The following TEC variants were observed in gnomAD, a reference collection of about 807,000 sequenced individuals.
TEC encodes the protein tec protein tyrosine kinase.
A neutral mutation model predicts 93.0 loss-of-function variants in TEC; 72 were observed. That is an observed-to-expected ratio of 0.77 (90% CI 0.64 to 0.94). The LOEUF is 0.94. TEC is among the 40% of genes least tolerant of loss of function. The pLI is 0.00. For synonymous variants in TEC, 249 were observed against 247.7 expected (o/e 1.01, Z -0.05); for missense variants, 630 against 757.9 (o/e 0.83, Z 1.98).
chr4:48,243,511 T>C lies in TEC; in HGVS notation c.-45-14852A>G, dbSNP rs1426550257. Reference sequence around the variant, plus strand: ...AATTGGTCAGTTGGTCATTGCCTCATCTTTATTCTGTATTGGTTCACATTT... The same window carrying C: ...AATTGGTCAGTTGGTCATTGCCTCACCTTTATTCTGTATTGGTTCACATTT... On this transcript the variant is annotated intron_variant, in intron 1 of 17. Coordinates refer to ENST00000381501, the MANE Select transcript of TEC (RefSeq NM_003215.3). Among the ~76,000 whole-genome samples the C allele has an allele frequency of 2.0e-5, 3 of 152,210 alleles. No homozygotes were observed. The South Asian group carries it at 6.2e-4, about 32-fold the overall frequency.
intron 1 of TEC, among the ~76,000 whole-genome samples, chr4:48,230,516 T>C (rs768793889): frequency 3.0e-4 from 46 of 152,146 alleles, no homozygotes; most frequent in Non-Finnish European, 6.0e-4. Flanking sequence ...ACCATGAGAG[T>C]AGCTTCCCAA....
chr4:48,266,632 G>A (rs1724643025), intron 1 of TEC, among the ~76,000 whole-genome samples: 1 of 152,190 alleles, frequency 6.6e-6, no homozygotes, highest in South Asian at 2.1e-4. Context: ...GAGGTCACGA[G>A]TTTGAGACCA....
intron 2 of TEC, among the ~76,000 whole-genome samples, chr4:48,181,411 A>G (rs985882228): frequency 1.5e-4 from 23 of 152,038 alleles, no homozygotes; most frequent in Admixed American, 1.4e-3. Context: ...ACCGTGGTTC[A>G]CTCCTGTAAT....
At chr4:48,246,928 G>A (rs149468245) in intron 1 of TEC, among the ~76,000 whole-genome samples, 294 of 152,196 alleles carry the variant, frequency 1.9e-3, no homozygotes, top group African/African-American at 6.7e-3. Context: ...AAAAATTTTT[G>A]CGTGACATTA....
chr4:48,230,063 G>A (rs899007173), intron 1 of TEC, among the ~76,000 whole-genome samples: 18 of 142,516 alleles, frequency 1.3e-4, no homozygotes, highest in African/African-American at 3.0e-4. Context: ...CAACGAGAGC[G>A]AAACTCCGTC....
chr4:48,182,994 A>T (rs1448572040), intron 2 of TEC, among the ~76,000 whole-genome samples: 2 of 152,142 alleles, frequency 1.3e-5, no homozygotes, highest in Non-Finnish European at 2.9e-5. Flanking sequence ...ATTCCAAATG[A>T]TTCGTCCCTT....
intron 14 of TEC, 84 bp downstream of exon 14, chr4:48,144,995 T>G: frequency 8.0e-7 from 1 of 1,254,126 alleles, no homozygotes. Context: ...AAAAATTGGC[T>G]ATTAATACAT....
Position 48,170,235 on chromosome 4 carries a change from A to G in TEC, c.454+13T>C. The G allele has an allele frequency of 6.4e-7, 1 of 1,573,840 alleles. No individual in the cohort carries two copies. Among genetic ancestry groups the G allele is most frequent in the African/African-American group, 1.4e-5 (1 of 73,904 alleles). On this transcript the variant is annotated intron_variant, in intron 5 of 17. Transcript: ENST00000381501. ...TAAGCACAATATAATTATGGAATAA[A>G]ATGAATACTTACTGCTCTCAAAAAG... is the stretch of plus-strand genomic sequence containing the variant.
intron 2 of TEC, among the ~76,000 whole-genome samples, chr4:48,222,685 C>A (rs1001007980): frequency 1.3e-5 from 2 of 149,726 alleles, no homozygotes; most frequent in Admixed American, 1.3e-4. Flanking sequence ...CCTTGCCTCA[C>A]TACTTGGGCT....
rs1309645757 is a variant in TEC at position 48,139,041 on chromosome 4, TG to T, written c.1536-20del. 6.3e-7 allele frequency: 1 copy of T among 1,586,592 alleles called. No individual in the cohort carries two copies. Among genetic ancestry groups the T allele is most frequent in the Non-Finnish European group, 8.7e-7 (1 of 1,155,264 alleles). On this transcript the variant is annotated intron_variant, in intron 15 of 17. Transcript: ENST00000381501. ...AACATACCTAGAGTAAGACACACCA[TG>T]GGTTTACACCTCTGAAGAACAATCT...
intron 2 of TEC, among the ~76,000 whole-genome samples, chr4:48,186,364 G>C (rs1292794593): frequency 1.3e-5 from 2 of 151,846 alleles, no homozygotes; most frequent in Non-Finnish European, 2.9e-5. Context: ...CCCAGTCTGG[G>C]AAGTGAGGAG....
intron 1 of TEC, among the ~76,000 whole-genome samples, chr4:48,231,618 G>C (rs1365758514): frequency 6.6e-6 from 1 of 152,094 alleles, no homozygotes; most frequent in East Asian, 1.9e-4. Flanking sequence ...TTAGCCAGGC[G>C]TGGTGGCGGG....
At chr4:48,234,716 A>G (rs1390864465) in intron 1 of TEC, among the ~76,000 whole-genome samples, 1 of 152,232 alleles carries the variant, frequency 6.6e-6, no homozygotes, top group Non-Finnish European at 1.5e-5. Context: ...CTTACTACCA[A>G]TATAAATACA....
At chr4:48,267,750 A>G (rs994869594) in intron 1 of TEC, among the ~76,000 whole-genome samples, 1 of 152,210 alleles carries the variant, frequency 6.6e-6, no homozygotes, top group Admixed American at 6.5e-5. Flanking sequence ...CATGCTGAAG[A>G]TCAACACTCA....
chr4:48,182,184 C>T lies in TEC; in HGVS notation c.139-5998G>A, dbSNP rs1478559130. On this transcript the variant is annotated intron_variant, in intron 2 of 17. Transcript: ENST00000381501. ...CCTGTAATCCCAGCTACTCTGGAGG[C>T]TGAGGCATGAGAATCTCTTGAACTC... Among the ~76,000 whole-genome samples, 5 of 151,820 alleles carry T rather than the reference C, an allele frequency of 3.3e-5. No homozygotes were observed. The South Asian group carries it at 1.0e-3, about 32-fold the overall frequency.
chr4:48,193,554 G>A (rs1722168234), intron 2 of TEC, among the ~76,000 whole-genome samples: 1 of 152,178 alleles, frequency 6.6e-6, no homozygotes, highest in Non-Finnish European at 1.5e-5. Context: ...TGTCAAGGGA[G>A]AGATGGTTAT....
chr4:48,240,355 GA>G (rs1325691272), intron 1 of TEC, among the ~76,000 whole-genome samples: 2 of 152,000 alleles, frequency 1.3e-5, no homozygotes, highest in African/African-American at 2.4e-5. Flanking sequence ...GAGGGAGGGG[GA>G]AAAAAGCACC....
At chr4:48,146,746 CTCAGTATTAGCAA>C (rs1195603834) in intron 11 of TEC, among the ~76,000 whole-genome samples, 1 of 152,156 alleles carries the variant, frequency 6.6e-6, no homozygotes, top group Non-Finnish European at 1.5e-5. Flanking sequence ...CCTGACATGA[CTCAGTATTAGCAA>C]TCTTAGCATA....
Position 48,204,592 on chromosome 4 carries a change from C to A in TEC, c.138+23885G>T, listed in dbSNP as rs1343163633. The stretch of plus-strand genomic sequence containing the variant: ...CAGCAATCTGCAACGCTTTTTGGCA[C>A]CAGGGAATGGTTTTGTGGAAGACAA... On this transcript the variant is annotated intron_variant, in intron 2 of 17. Transcript: ENST00000381501. Among the ~76,000 whole-genome samples, 9 of 152,092 alleles carry A rather than the reference C, an allele frequency of 5.9e-5. No homozygotes were observed. The East Asian group carries it at 1.5e-3, about 26-fold the overall frequency.
Sources: gnomAD v4.1 joint callset for allele counts (sites outside exome capture counted in the v4.1 genomes callset) on GRCh38, gnomAD v4.1.1 for gene constraint, MANE v1.5 for transcripts, NCBI Gene and HGNC (gene_info 2026-07-23, HGNC 2026-07-21) for gene names.